Variants in TAF2 observed in about 807,000 individuals in gnomAD.
The protein encoded by TAF2 is transcription initiation factor TFIID subunit 2.
A neutral mutation model predicts 138.5 loss-of-function variants in TAF2; 61 were observed. The observed-to-expected ratio is 0.44, with a 90% CI of 0.36 to 0.54. TAF2 has a LOEUF of 0.54. TAF2 is among the 20% of genes least tolerant of loss of function. The pLI is 0.00. For synonymous variants in TAF2, 475 were observed against 469.9 expected (o/e 1.01, Z -0.14); for missense variants, 1,090 against 1,427.9 (o/e 0.76, Z 3.81).
At chr8:119,799,202 G>T (rs546413546) in intron 6 of TAF2, among the ~76,000 whole-genome samples, 1 of 151,924 alleles carries the variant, frequency 6.6e-6, no homozygotes, top group South Asian at 2.1e-4. Context: ...CGGTACATGC[G>T]TACAATGTGC....
intron 18 of TAF2, among the ~76,000 whole-genome samples, chr8:119,768,743 A>G (rs992563512): frequency 6.6e-6 from 1 of 152,202 alleles, no homozygotes; most frequent in Admixed American, 6.5e-5. Flanking sequence ...GCATGTGCCA[A>G]AAGATGGAGC....
chr8:119,733,787 C>A lies in TAF2; in HGVS notation c.3338-1601G>T, dbSNP rs1055782689. Among the ~76,000 whole-genome samples the A allele has an allele frequency of 1.7e-4, 26 of 151,942 alleles. 1 individual carries two copies. Among genetic ancestry groups the A allele is most frequent in the African/African-American group, 5.1e-4 (21 of 41,348 alleles). ...TAAATATCTCTTAAATCCGCCCCCC[C>A]CCATCCTAATCCTGTCTGCAACTGT... On this transcript the variant is annotated intron_variant, in intron 25 of 25. Coordinates refer to ENST00000378164, the MANE Select transcript of TAF2 (RefSeq NM_003184.4).
At chr8:119,743,370 A>T (rs761797777) in intron 24 of TAF2, among the ~76,000 whole-genome samples, 10 of 143,524 alleles carry the variant, frequency 7.0e-5, no homozygotes, top group African/African-American at 1.8e-4. Flanking sequence ...GAATGAAATT[A>T]AAAAAAAAAA....
intron 6 of TAF2, among the ~76,000 whole-genome samples, chr8:119,798,210 A>C (rs559616655): frequency 6.2e-4 from 95 of 152,330 alleles, no homozygotes; most frequent in African/African-American, 2.1e-3. Flanking sequence ...AACCCAGTGA[A>C]TAATGCACGT....
intron 4 of TAF2, among the ~76,000 whole-genome samples, chr8:119,804,483 C>T (rs988052753): frequency 6.6e-6 from 1 of 152,138 alleles, no homozygotes; most frequent in African/African-American, 2.4e-5. Context: ...ATCACAGGGG[C>T]AAGTCTTTCC....
At chr8:119,799,323 C>A (rs1824067299) in intron 6 of TAF2, among the ~76,000 whole-genome samples, 1 of 151,344 alleles carries the variant, frequency 6.6e-6, no homozygotes, top group Non-Finnish European at 1.5e-5. Flanking sequence ...CACCCCACGA[C>A]AGGCCCCGGT....
rs1818871236 is a variant in TAF2 at position 119,731,414 on chromosome 8, T to C, written c.*510A>G. 1 of 153,852 alleles carries C rather than the reference T, an allele frequency of 6.5e-6. No individual in the cohort carries two copies. The highest frequency in any genetic ancestry group is 2.4e-5 in the African/African-American group (1 of 41,472). The allele number at this position is 153,852 out of a possible 1,614,324, so 9.5% of individuals were successfully genotyped here. A position where few individuals can be genotyped will look rare whatever the true frequency, so the allele number is the denominator to read the frequency against. On this transcript the variant is annotated 3_prime_UTR_variant, in exon 26 of 26. Transcript: ENST00000378164. ...TTCTGATGCTTAGTTTCTACGTTAA[T>C]ACAAAAATGGTGCAATAAGGAAGAG...
At chr8:119,810,829 A>G (rs1036126419) in intron 3 of TAF2, among the ~76,000 whole-genome samples, 7 of 152,208 alleles carry the variant, frequency 4.6e-5, no homozygotes, top group African/African-American at 1.4e-4. Context: ...TAAACATTAC[A>G]TATTAATTAG....
At chr8:119,802,920 C>T (rs1201106209) in intron 5 of TAF2, among the ~76,000 whole-genome samples, 1 of 151,930 alleles carries the variant, frequency 6.6e-6, no homozygotes, top group African/African-American at 2.4e-5. Context: ...GCTATCTCTA[C>T]TAAAGATATG....
In TAF2 at chr8:119,789,721, G is replaced by C; in HGVS notation, c.1439C>G (p.Ala480Gly). 6.2e-7 allele frequency: 1 copy of C among 1,613,702 alleles called. No homozygotes were observed. The highest frequency in any genetic ancestry group is 8.5e-7 in the Non-Finnish European group (1 of 1,179,896). The change falls in exon 12 of 26, where the codon GCT becomes GGT. Residue 480 changes from alanine to glycine, a missense_variant. By Grantham distance (60) the Ala-to-Gly change is moderately conservative (BLOSUM62 0). Around this residue, in one of 3 missense-constraint regions of TAF2, gnomAD observed 504 missense variants for 680.9 expected, o/e 0.74. Coordinates refer to ENST00000378164, the MANE Select transcript of TAF2 (RefSeq NM_003184.4). ...GAACTTCTGAGATGAAGCAGTACTA[G>C]CCAGACTTAGCAGTTTATTGAAAAC... ...LQVFNKLLSLASTASSQKFQS... is the reference protein window; with the variant it reads ...LQVFNKLLSLGSTASSQKFQS...
intron 9 of TAF2, among the ~76,000 whole-genome samples, chr8:119,795,292 AC>A (rs759055468): frequency 2.0e-5 from 3 of 152,162 alleles, no homozygotes; most frequent in Admixed American, 6.5e-5. Flanking sequence ...ATACCTAACG[AC>A]CAATCTGATG....
Position 119,811,602 on chromosome 8 carries a change from C to T in TAF2, c.300-5201G>A, listed in dbSNP as rs372449775. 9.2e-5 allele frequency among the ~76,000 whole-genome samples: 14 copies of T among 151,726 alleles called. No homozygotes were observed. In the East Asian group the frequency reaches 1.7e-3, roughly 19 times the overall value. ...CGGGCAGATCACGAGGTCAGGAGAT[C>T]GAGACCATCCTGGCTAACACGGTGA... is the stretch of plus-strand genomic sequence containing the variant. On this transcript the variant is annotated intron_variant, in intron 3 of 25. Coordinates refer to ENST00000378164, the MANE Select transcript of TAF2 (RefSeq NM_003184.4).
chr8:119,748,879 T>C (rs1056580823), intron 22 of TAF2, among the ~76,000 whole-genome samples: 11 of 150,368 alleles, frequency 7.3e-5, no homozygotes, highest in Non-Finnish European at 5.9e-5. Flanking sequence ...TCCATGGGTA[T>C]AGCAAGAAAA....
At position 119,783,384 on chromosome 8, in the gene TAF2, T is replaced by C; in HGVS notation, c.2109A>G (p.Ala703=). ...RVRMSACFCL[A]KIANSMVSTW... ...TTTATGCTGTATATAATCTCACCTT[T>C]GCAAGACAGAAGCAAGCTGACATTC... is the stretch of plus-strand genomic sequence containing the variant. The change falls in exon 16 of 26, where the codon GCA becomes GCG. Residue 703 remains alanine (A), a synonymous_variant. Transcript: ENST00000378164. The C allele has an allele frequency of 1.2e-6, 2 of 1,614,082 alleles. No homozygotes were observed. The highest frequency in any genetic ancestry group is 1.7e-6 in the Non-Finnish European group (2 of 1,180,008).
intron 18 of TAF2, among the ~76,000 whole-genome samples, chr8:119,764,880 C>T (rs1821317050): frequency 6.6e-6 from 1 of 151,960 alleles, no homozygotes; most frequent in Non-Finnish European, 1.5e-5. Context: ...AAAAGGAACA[C>T]TAAAAATTAA....
chr8:119,829,860 GT>G (rs374912220), intron 2 of TAF2, among the ~76,000 whole-genome samples: 194 of 135,178 alleles, frequency 1.4e-3, no homozygotes, highest in African/African-American at 2.9e-3. Flanking sequence ...TCTTTTTTTA[GT>G]TTTTTTTTTT....
chr8:119,780,981 T>A, intron 17 of TAF2, 72 bp downstream of exon 17: 10 of 1,274,620 alleles, frequency 7.8e-6, no homozygotes, highest in Non-Finnish European at 1.1e-5. Flanking sequence ...TAAACACATC[T>A]ATTATTTGAA....
At chr8:119,747,736 T>G (rs10101983) in intron 22 of TAF2, among the ~76,000 whole-genome samples, 24,736 of 152,168 alleles carry the variant, frequency 0.16, 3,516 homozygotes, top group African/African-American at 0.38. Context: ...CAGCTAGGGT[T>G]ACACAATCTA....
At chr8:119,775,514 C>A (rs901501531) in intron 18 of TAF2, among the ~76,000 whole-genome samples, 1 of 151,524 alleles carries the variant, frequency 6.6e-6, no homozygotes, top group African/African-American at 2.4e-5. Context: ...ACCAGCCTGG[C>A]CAACATGGTG....
Sources: gnomAD v4.1 joint callset for allele counts (sites outside exome capture counted in the v4.1 genomes callset) on GRCh38, gnomAD v4.1.1 for gene constraint, gnomAD v4.1.1 regional missense constraint, MANE v1.5 for transcripts, NCBI Gene and HGNC (gene_info 2026-07-23, HGNC 2026-07-21) for gene names.